Variants in FER observed in about 807,000 individuals in gnomAD.
FER encodes the protein FER tyrosine kinase, also known as tyrosine-protein kinase Fer.
In FER, 63 loss-of-function variants were observed where a neutral mutation model predicts 111.0. That is an observed-to-expected ratio of 0.57 (90% confidence interval 0.46 to 0.70). The LOEUF (loss-of-function observed/expected upper bound fraction) is 0.70. Among genes scored for constraint, FER ranks in the 30% least tolerant of loss-of-function variants. FER has a pLI of 0.00. For synonymous variants in FER, 327 were observed against 313.9 expected (o/e 1.04, Z -0.44); for missense variants, 914 against 954.0 (o/e 0.96, Z 0.55).
intron 13 of FER, among the ~76,000 whole-genome samples, chr5:108,985,884 GCT>G (rs781173689): frequency 1.3e-5 from 2 of 152,254 alleles, no homozygotes; most frequent in Non-Finnish European, 2.9e-5. Flanking sequence ...TGCAAATTGT[GCT>G]CCTGTAGACA....
intron 14 of FER, among the ~76,000 whole-genome samples, chr5:109,040,809 A>C (rs2149891427): frequency 6.6e-6 from 1 of 152,276 alleles, no homozygotes; most frequent in South Asian, 2.1e-4. Flanking sequence ...GAGAGGGATG[A>C]ACATTGCTAG....
chr5:109,034,109 T>A (rs1770026743), intron 13 of FER, among the ~76,000 whole-genome samples: 1 of 152,166 alleles, frequency 6.6e-6, no homozygotes, highest in South Asian at 2.1e-4. Flanking sequence ...AACTGAGACT[T>A]TGTACCATTT....
At chr5:108,866,096 A>G (rs1764023750) in intron 5 of FER, among the ~76,000 whole-genome samples, 1 of 152,214 alleles carries the variant, frequency 6.6e-6, no homozygotes, top group South Asian at 2.1e-4. Context: ...GTATATACCA[A>G]AAATATTATA....
At chr5:109,097,174 C>T (rs370199065) in intron 16 of FER, among the ~76,000 whole-genome samples, 1 of 151,792 alleles carries the variant, frequency 6.6e-6, no homozygotes, top group African/African-American at 2.4e-5. Flanking sequence ...CCCAAAGCCG[C>T]ATGGTTAATC....
chr5:109,146,456 A>G (rs1404899497), intron 17 of FER, among the ~76,000 whole-genome samples: 1 of 151,030 alleles, frequency 6.6e-6, no homozygotes, highest in Non-Finnish European at 1.5e-5. Context: ...AAGTATTATT[A>G]TTAACTACTA....
intron 5 of FER, among the ~76,000 whole-genome samples, chr5:108,865,152 C>G (rs1400800704): frequency 9.9e-5 from 15 of 152,030 alleles, no homozygotes; most frequent in Non-Finnish European, 1.2e-4. Flanking sequence ...TGATTTGGCT[C>G]TCTGTCTGTT....
chr5:108,912,213 A>C (rs1264805837), intron 10 of FER, among the ~76,000 whole-genome samples: 1 of 152,178 alleles, frequency 6.6e-6, no homozygotes, highest in Non-Finnish European at 1.5e-5. Flanking sequence ...GTGAAAACGG[A>C]CTAATACAAG....
chr5:108,953,674 C>T (rs929307823), intron 11 of FER, among the ~76,000 whole-genome samples: 4 of 152,038 alleles, frequency 2.6e-5, no homozygotes, highest in African/African-American at 2.4e-5. Context: ...CATACTTTGG[C>T]CCTACCTAGA....
At chr5:108,845,623 C>A (rs1761956997) in intron 5 of FER, among the ~76,000 whole-genome samples, 1 of 151,534 alleles carries the variant, frequency 6.6e-6, no homozygotes, top group South Asian at 2.1e-4. Flanking sequence ...CTTTTTCTTG[C>A]CTAATTGCCC....
chr5:108,957,540 A>G (rs920090737), intron 12 of FER, among the ~76,000 whole-genome samples: 1 of 151,684 alleles, frequency 6.6e-6, no homozygotes. Context: ...GGAAATCAGT[A>G]TGGAGATTTC....
chr5:108,879,698 A>AT (rs1371273138), intron 8 of FER, among the ~76,000 whole-genome samples: 11,323 of 105,602 alleles, frequency 0.11, 735 homozygotes, highest in African/African-American at 0.15. Context: ...TAGATTAAAA[A>AT]AAAATATATA....
At chr5:108,839,751 G>T (rs1157326170) in intron 5 of FER, among the ~76,000 whole-genome samples, 1 of 151,646 alleles carries the variant, frequency 6.6e-6, no homozygotes, top group African/African-American at 2.4e-5. Context: ...CTAATTTTTT[G>T]TATTTTTAGT....
intron 3 of FER, among the ~76,000 whole-genome samples, chr5:108,809,580 T>C (rs1353363495): frequency 6.6e-6 from 1 of 152,194 alleles, no homozygotes; most frequent in East Asian, 1.9e-4. Context: ...GTTTTGTTTT[T>C]TAGACAGGTT....
At chr5:109,037,879 T>C (rs1261891693) in intron 14 of FER, among the ~76,000 whole-genome samples, 2 of 151,908 alleles carry the variant, frequency 1.3e-5, no homozygotes, top group African/African-American at 4.8e-5. Flanking sequence ...TAGAAAAAAA[T>C]GAAATACTGC....
At chr5:108,829,204 C>G (rs1019082025) in intron 3 of FER, among the ~76,000 whole-genome samples, 1 of 152,200 alleles carries the variant, frequency 6.6e-6, no homozygotes, top group Non-Finnish European at 1.5e-5. Flanking sequence ...TTGTTTGTGA[C>G]TTTCAACCAT....
At chr5:108,800,417 C>G (rs542966822) in intron 3 of FER, among the ~76,000 whole-genome samples, 1 of 152,082 alleles carries the variant, frequency 6.6e-6, no homozygotes, top group Admixed American at 6.5e-5. Context: ...GTGGTACAGT[C>G]ATGGCTCATT....
intron 16 of FER, among the ~76,000 whole-genome samples, chr5:109,049,529 T>C (rs1581795786): frequency 6.6e-6 from 1 of 152,190 alleles, no homozygotes; most frequent in African/African-American, 2.4e-5. Context: ...TGAATTTTTC[T>C]AACTTTCTCT....
chr5:109,080,881 C>T (rs1164625941), intron 16 of FER, among the ~76,000 whole-genome samples: 1 of 151,896 alleles, frequency 6.6e-6, no homozygotes, highest in South Asian at 2.1e-4. Flanking sequence ...CACGTATGCA[C>T]AGTTAACAGG....
At chr5:108,974,169 C>T (rs1761032130) in intron 13 of FER, among the ~76,000 whole-genome samples, 1 of 152,108 alleles carries the variant, frequency 6.6e-6, no homozygotes, top group Admixed American at 6.6e-5. Context: ...ACAGTGATGA[C>T]TATGACAATA....
Sources: gnomAD v4.1 joint callset for allele counts (sites outside exome capture counted in the v4.1 genomes callset) on GRCh38, gnomAD v4.1.1 for gene constraint, MANE v1.5 for transcripts, NCBI Gene and HGNC (gene_info 2026-07-23, HGNC 2026-07-21) for gene names.